Variants in COG5 observed in about 807,000 individuals in gnomAD.
COG5 encodes the protein conserved oligomeric Golgi complex subunit 5.
A neutral mutation model predicts 110.4 loss-of-function variants in COG5; 86 were observed. The observed-to-expected ratio is 0.78, with a 90% CI of 0.65 to 0.93. The LOEUF is 0.93. Ranked by LOEUF, COG5 falls within the 40% of genes least tolerant of loss-of-function variation. The probability of loss-of-function intolerance (pLI) is 0.00; values close to 1 mark genes in which losing one functional copy is unlikely to be tolerated. For synonymous variants in COG5, 360 were observed against 334.6 expected (o/e 1.08, Z -0.83); for missense variants, 1,077 against 987.0 (o/e 1.09, Z -1.22).
chr7:107,349,143 C>T (rs1449820437), intron 10 of COG5, among the ~76,000 whole-genome samples: 2 of 152,308 alleles, frequency 1.3e-5, no homozygotes, highest in African/African-American at 4.8e-5. Context: ...TATATCTTAA[C>T]TGTACATTAC....
At chr7:107,443,219 T>C (rs796081402) in intron 6 of COG5, among the ~76,000 whole-genome samples, 14 of 152,202 alleles carry the variant, frequency 9.2e-5, no homozygotes, top group African/African-American at 3.1e-4. Flanking sequence ...GAAAGAACCC[T>C]GAAAATATAT....
chr7:107,243,842 A>C (rs1801845202), intron 17 of COG5, among the ~76,000 whole-genome samples: 1 of 152,184 alleles, frequency 6.6e-6, no homozygotes. Context: ...ATACAATAAA[A>C]ACAGAAGTCA....
intron 11 of COG5, among the ~76,000 whole-genome samples, chr7:107,323,394 G>T (rs1809475861): frequency 6.6e-6 from 1 of 152,026 alleles, no homozygotes; most frequent in African/African-American, 2.4e-5. Context: ...AGCCAGGAGT[G>T]GTGGTACATT....
rs1326780020 is a variant in COG5 at position 107,554,278 on chromosome 7, A to G, written c.292+7T>C. ...TACATAATCTCTAGCAGTTATTAGA[A>G]ATATACCTTCCAACGACTCAATCCC... is the stretch of plus-strand genomic sequence containing the variant. On this transcript the variant is annotated splice_region_variant and intron_variant, in intron 3 of 21. Coordinates refer to ENST00000297135, the MANE Select transcript of COG5 (RefSeq NM_006348.5). 1 of 1,613,142 alleles carries G rather than the reference A, an allele frequency of 6.2e-7. No individual in the cohort carries two copies. Among genetic ancestry groups the G allele is most frequent in the Non-Finnish European group, 8.5e-7 (1 of 1,179,126 alleles).
intron 6 of COG5, among the ~76,000 whole-genome samples, chr7:107,457,059 G>A (rs1795706615): frequency 6.6e-6 from 1 of 152,058 alleles, no homozygotes; most frequent in Admixed American, 6.5e-5. Flanking sequence ...AACATGACCA[G>A]CACCCAATAA....
chr7:107,392,125 C>G (rs888462355), intron 7 of COG5, among the ~76,000 whole-genome samples: 1 of 152,126 alleles, frequency 6.6e-6, no homozygotes, highest in East Asian at 1.9e-4. Flanking sequence ...CTCAGCAATA[C>G]CACGTTGATC....
intron 10 of COG5, among the ~76,000 whole-genome samples, chr7:107,344,712 T>C (rs1374791657): frequency 6.6e-6 from 1 of 152,084 alleles, no homozygotes; most frequent in Non-Finnish European, 1.5e-5. Flanking sequence ...TTCGTAGAGA[T>C]GGGGTTTCTC....
At chr7:107,340,494 TA>T (rs1323788430) in intron 10 of COG5, among the ~76,000 whole-genome samples, 2 of 151,382 alleles carry the variant, frequency 1.3e-5, no homozygotes, top group South Asian at 4.2e-4. Context: ...CCAATCCCCC[TA>T]AAAAAAATTG....
chr7:107,276,668 C>G (rs909526052), intron 14 of COG5, among the ~76,000 whole-genome samples: 1 of 151,974 alleles, frequency 6.6e-6, no homozygotes, highest in Non-Finnish European at 1.5e-5. Context: ...AACAAAAAAC[C>G]CCAAACTTTC....
In COG5 at chr7:107,245,804, A is replaced by C. The variant is rs546170482; in HGVS notation, c.1853+2592T>G. 2.0e-5 allele frequency among the ~76,000 whole-genome samples: 3 copies of C among 152,340 alleles called. No individual in the cohort carries two copies. In the East Asian group the frequency reaches 5.8e-4, roughly 29 times the overall value. ...CTATACTGCCCAAAGCAATCTTCAG[A>C]TTCAATGCTATTCCTATCAAACTAC... is the stretch of plus-strand genomic sequence containing the variant. On this transcript the variant is annotated intron_variant, in intron 17 of 21. Coordinates refer to ENST00000297135, the MANE Select transcript of COG5 (RefSeq NM_006348.5).
At chr7:107,534,491 CAAA>C (rs762079738) in intron 5 of COG5, among the ~76,000 whole-genome samples, 1 of 123,710 alleles carries the variant, frequency 8.1e-6, no homozygotes. Context: ...AAATGGAAAG[CAAA>C]AAAAAAAAAA....
chr7:107,305,869 C>G (rs1257414819), intron 11 of COG5, among the ~76,000 whole-genome samples: 1 of 151,880 alleles, frequency 6.6e-6, no homozygotes, highest in Non-Finnish European at 1.5e-5. Context: ...AGGTTAAAAC[C>G]GTATGCAACC....
intron 6 of COG5, among the ~76,000 whole-genome samples, chr7:107,502,642 T>C (rs1286981696): frequency 6.6e-6 from 1 of 152,062 alleles, no homozygotes; most frequent in East Asian, 1.9e-4. Context: ...CCACCAGTAG[T>C]GTATAAGCAT....
At chr7:107,340,484 C>T (rs889387544) in intron 10 of COG5, among the ~76,000 whole-genome samples, 2 of 151,970 alleles carry the variant, frequency 1.3e-5, no homozygotes, top group African/African-American at 4.8e-5. Flanking sequence ...CTATTCTCCC[C>T]CAATCCCCCT....
intron 17 of COG5, among the ~76,000 whole-genome samples, chr7:107,244,437 TCAA>T (rs1206858746): frequency 1.3e-5 from 2 of 151,790 alleles, no homozygotes; most frequent in Non-Finnish European, 2.9e-5. Flanking sequence ...CATGAACAAA[TCAA>T]CAAAGTTAGC....
chr7:107,291,749 G>A (rs1233550824), intron 12 of COG5, among the ~76,000 whole-genome samples: 1 of 152,164 alleles, frequency 6.6e-6, no homozygotes, highest in African/African-American at 2.4e-5. Flanking sequence ...ACCTTTCTGA[G>A]GTCATGTTTG....
intron 6 of COG5, among the ~76,000 whole-genome samples, chr7:107,514,051 T>TAATAA (rs142318189): frequency 1.5e-4 from 22 of 151,578 alleles, no homozygotes; most frequent in Middle Eastern, 3.4e-3. Flanking sequence ...AGTATAATAA[T>TAATAA]AATAAAATAA....
intron 16 of COG5, among the ~76,000 whole-genome samples, chr7:107,254,311 C>T (rs932109576): frequency 1.3e-5 from 2 of 152,078 alleles, no homozygotes; most frequent in African/African-American, 4.8e-5. Context: ...TAACTCTCTA[C>T]CTTGAATTCA....
intron 6 of COG5, among the ~76,000 whole-genome samples, chr7:107,493,303 C>T (rs1246888454): frequency 6.6e-6 from 1 of 152,118 alleles, no homozygotes; most frequent in Admixed American, 6.6e-5. Flanking sequence ...CTGTAGTATT[C>T]TTTACAGCAG....
Sources: allele counts gnomAD v4.1 joint callset (sites outside exome capture counted in the v4.1 genomes callset), GRCh38; gene constraint gnomAD v4.1.1; transcripts MANE v1.5; gene names NCBI Gene and HGNC (gene_info 2026-07-23, HGNC 2026-07-21).